Variants in DPP6 observed in about 807,000 individuals in gnomAD.
DPP6 encodes dipeptidyl peptidase like 6.
DPP6 carries 69 observed loss-of-function variants against 122.6 expected under a neutral mutation model. The ratio of observed to expected loss-of-function variants is 0.56; its 90% CI spans 0.46 to 0.69. The LOEUF (loss-of-function observed/expected upper bound fraction) is 0.69, where lower values mean the gene tolerates loss of function less well. DPP6 is among the 30% of genes least tolerant of loss of function. DPP6 has a pLI of 0.00. For synonymous variants in DPP6, 418 were observed against 433.1 expected, an observed-to-expected ratio of 0.97 and a Z score of 0.43; for missense variants, 928 against 1,116.9, an observed-to-expected ratio of 0.83 and a Z score of 2.41.
chr7:153,816,821 C>A, the DPP6 span, among the ~76,000 whole-genome samples: 1 of 151,916 alleles, frequency 6.6e-6, no homozygotes, highest in Non-Finnish European at 1.5e-5. Context: ...TGAGATTTGA[C>A]ACTAAGAGGG....
the DPP6 span, among the ~76,000 whole-genome samples, chr7:153,756,491 A>G: frequency 2.4e-4 from 37 of 152,284 alleles, no homozygotes; most frequent in African/African-American, 7.9e-4. Flanking sequence ...GAAGGGCCAC[A>G]TCTGATAGAC....
At chr7:154,357,842 T>G (rs1197017955) in intron 1 of DPP6, among the ~76,000 whole-genome samples, 2 of 151,412 alleles carry the variant, frequency 1.3e-5, no homozygotes, top group African/African-American at 4.9e-5. Context: ...CTCGGGAGGC[T>G]GAGGCAGGAG....
At chr7:154,534,413 G>A (rs1376594734) in intron 3 of DPP6, among the ~76,000 whole-genome samples, 3 of 152,062 alleles carry the variant, frequency 2.0e-5, no homozygotes, top group African/African-American at 4.8e-5. Flanking sequence ...TAAATAAAAG[G>A]TACACAGATT....
chr7:153,964,646 C>T (rs902156303), intron 1 of DPP6, among the ~76,000 whole-genome samples: 6 of 152,136 alleles, frequency 3.9e-5, no homozygotes, highest in Non-Finnish European at 8.8e-5. Flanking sequence ...GCTGGTTGGG[C>T]CACCGGCGCC....
At chr7:154,235,033 T>C (rs1476970583) in intron 1 of DPP6, among the ~76,000 whole-genome samples, 1 of 152,238 alleles carries the variant, frequency 6.6e-6, no homozygotes, top group Admixed American at 6.5e-5. Context: ...TATTGAGATG[T>C]AGTTTTTACC....
chr7:154,002,612 C>A (rs1273416772), intron 1 of DPP6, among the ~76,000 whole-genome samples: 1 of 152,052 alleles, frequency 6.6e-6, no homozygotes, highest in African/African-American at 2.4e-5. Flanking sequence ...ATGGGTGGAT[C>A]TAGATGGATA....
chr7:153,773,875 G>T, the DPP6 span, among the ~76,000 whole-genome samples: 2 of 145,772 alleles, frequency 1.4e-5, no homozygotes, highest in East Asian at 2.0e-4. Flanking sequence ...AAAAAAAAAA[G>T]AAAATAAAAA....
chr7:154,073,252 C>A (rs1209095452), intron 1 of DPP6, among the ~76,000 whole-genome samples: 16 of 152,254 alleles, frequency 1.1e-4, no homozygotes, highest in African/African-American at 3.6e-4. Context: ...TGCTTTCAGG[C>A]ACCGTCATGG....
intron 8 of DPP6, among the ~76,000 whole-genome samples, chr7:154,748,415 C>T (rs760400074): frequency 7.2e-5 from 11 of 152,252 alleles, no homozygotes; most frequent in Non-Finnish European, 1.2e-4. Context: ...TCCCATCCTC[C>T]GTTCTCTCCT....
At chr7:154,716,989 A>G (rs1000646090) in intron 7 of DPP6, among the ~76,000 whole-genome samples, 2 of 151,808 alleles carry the variant, frequency 1.3e-5, no homozygotes, top group African/African-American at 4.8e-5. Flanking sequence ...GTGCACCACA[A>G]CGCACAGCTA....
intron 1 of DPP6, among the ~76,000 whole-genome samples, chr7:154,036,731 G>A (rs58964605): frequency 0.012 from 1,873 of 151,982 alleles, 43 homozygotes; most frequent in African/African-American, 0.043. Flanking sequence ...GGATTTCCAA[G>A]CAAAACTGCC....
intron 7 of DPP6, among the ~76,000 whole-genome samples, chr7:154,716,320 C>A (rs901403907): frequency 6.6e-6 from 1 of 152,178 alleles, no homozygotes; most frequent in African/African-American, 2.4e-5. Context: ...ACCTGTCCCC[C>A]ACTCTTGCTG....
At chr7:154,887,794 C>T in intron 23 of DPP6, 60 bp downstream of exon 23, 1 of 1,596,268 alleles carries the variant, frequency 6.3e-7, no homozygotes, top group Non-Finnish European at 8.6e-7. Context: ...CACAGTCTCC[C>T]AGCCTGCCCT....
At chr7:154,367,916 C>G (rs1002914502) in intron 1 of DPP6, among the ~76,000 whole-genome samples, 1 of 152,208 alleles carries the variant, frequency 6.6e-6, no homozygotes, top group South Asian at 2.1e-4. Flanking sequence ...AAGCGATTCT[C>G]CTGCCTCAGC....
chr7:154,062,002 T>G (rs1327621630), intron 1 of DPP6, among the ~76,000 whole-genome samples: 7 of 96,824 alleles, frequency 7.2e-5, no homozygotes, highest in East Asian at 6.5e-4. Context: ...TGGCTGTTGG[T>G]ACCCCCATCG....
chr7:154,309,513 C>G (rs968019420), intron 1 of DPP6, among the ~76,000 whole-genome samples: 7 of 152,114 alleles, frequency 4.6e-5, no homozygotes, highest in African/African-American at 1.7e-4. Flanking sequence ...AGGTGGCCTC[C>G]CGGAAGGGCA....
Position 154,810,888 on chromosome 7 carries a change from A to C in DPP6, c.1666+3776A>C, listed in dbSNP as rs116017706. ...AATGCCTGGATCCCTATAATAATCA[A>C]ACAGATTCCTAGAATTTGAAGATAG... On this transcript the variant is annotated intron_variant, in intron 16 of 25. Transcript: ENST00000377770. Among the ~76,000 whole-genome samples, 614 of 152,296 alleles carry C rather than the reference A, an allele frequency of 4.0e-3. 6 individuals are homozygous for C. Among genetic ancestry groups the C allele is most frequent in the African/African-American group, 0.014 (568 of 41,566 alleles).
chr7:153,783,477 A>G, the DPP6 span, among the ~76,000 whole-genome samples: 1 of 152,202 alleles, frequency 6.6e-6, no homozygotes, highest in Non-Finnish European at 1.5e-5. Context: ...AATTATGGGG[A>G]TTACAACTCA....
chr7:154,622,212 G>A (rs1420816212), intron 5 of DPP6, among the ~76,000 whole-genome samples: 1 of 152,122 alleles, frequency 6.6e-6, no homozygotes, highest in African/African-American at 2.4e-5. Context: ...CTTTCACTTT[G>A]CCACTTTGGA....
Sources: gnomAD v4.1 joint callset for allele counts (sites outside exome capture counted in the v4.1 genomes callset) on GRCh38, gnomAD v4.1.1 for gene constraint, MANE v1.5 for transcripts, NCBI Gene and HGNC (gene_info 2026-07-23, HGNC 2026-07-21) for gene names.